CYB5R4: variants seen among roughly 807,000 people sequenced by gnomAD.
CYB5R4 encodes N-terminal cytochrome b5 and cytochrome b5 oxidoreductase domain-containing protein.
In CYB5R4, 55 loss-of-function variants were observed where a neutral mutation model predicts 70.2. The ratio of observed to expected loss-of-function variants is 0.78; its 90% CI spans 0.63 to 0.98. The LOEUF (loss-of-function observed/expected upper bound fraction) is 0.98. Ranked by LOEUF, CYB5R4 falls within the 50% of genes least tolerant of loss-of-function variation. CYB5R4 has a pLI of 0.00. For missense variants in CYB5R4, 562 were observed against 612.6 expected (o/e 0.92, Z 0.87); for synonymous variants, 197 against 199.5 (o/e 0.99, Z 0.11).
intron 12 of CYB5R4, among the ~76,000 whole-genome samples, chr6:83,939,616 A>G (rs559196052): frequency 6.6e-6 from 1 of 152,344 alleles, no homozygotes; most frequent in South Asian, 2.1e-4. Flanking sequence ...GTTAATAATC[A>G]ATGTGTAAAT....
chr6:83,947,976 T>G (rs1037577170), intron 14 of CYB5R4, among the ~76,000 whole-genome samples: 27 of 152,238 alleles, frequency 1.8e-4, no homozygotes, highest in African/African-American at 6.5e-4. Context: ...TTCTTAAGGA[T>G]TTAGAACCAG....
intron 3 of CYB5R4, among the ~76,000 whole-genome samples, chr6:83,897,843 G>A (rs141139759): frequency 0.048 from 7,297 of 152,144 alleles, 234 homozygotes; most frequent in Non-Finnish European, 0.075. Flanking sequence ...TCTGTAGGTT[G>A]CGTGTTCACT....
At chr6:83,861,741 A>G (rs2099455968) in intron 1 of CYB5R4, among the ~76,000 whole-genome samples, 1 of 152,222 alleles carries the variant, frequency 6.6e-6, no homozygotes. Context: ...ACTACCTGTG[A>G]CATTGAACTG....
At chr6:83,952,904 C>T (rs1365603252) in intron 14 of CYB5R4, among the ~76,000 whole-genome samples, 2 of 152,066 alleles carry the variant, frequency 1.3e-5, no homozygotes, top group African/African-American at 4.8e-5. Context: ...GTGGCAGTTC[C>T]ATTTAAGTTA....
chr6:83,920,787 C>T (rs993512995), intron 7 of CYB5R4, among the ~76,000 whole-genome samples: 2 of 151,936 alleles, frequency 1.3e-5, no homozygotes, highest in African/African-American at 4.8e-5. Flanking sequence ...ATTTATTGAA[C>T]ACCTACTAGG....
chr6:83,948,106 A>T (rs1009838423), intron 14 of CYB5R4, among the ~76,000 whole-genome samples: 3 of 152,190 alleles, frequency 2.0e-5, no homozygotes, highest in Non-Finnish European at 4.4e-5. Context: ...AATAGCAAAG[A>T]CTTGGAACCA....
chr6:83,949,848 A>C (rs749801333), intron 14 of CYB5R4, among the ~76,000 whole-genome samples: 52 of 152,228 alleles, frequency 3.4e-4, no homozygotes, highest in Admixed American at 7.2e-4. Flanking sequence ...TCTATAAAAC[A>C]AACATTAATA....
At chr6:83,923,412 C>A (rs961443060) in intron 9 of CYB5R4, among the ~76,000 whole-genome samples, 4 of 152,108 alleles carry the variant, frequency 2.6e-5, no homozygotes, top group Admixed American at 1.3e-4. Flanking sequence ...TTTGGTTAAG[C>A]TTCAAATCAG....
intron 3 of CYB5R4, among the ~76,000 whole-genome samples, chr6:83,897,436 T>C (rs1400529233): frequency 2.0e-5 from 3 of 152,218 alleles, no homozygotes; most frequent in African/African-American, 7.2e-5. Flanking sequence ...CTGGGTCAAA[T>C]GGTAATTCTA....
intron 14 of CYB5R4, among the ~76,000 whole-genome samples, chr6:83,943,656 TAAC>T (rs2099470110): frequency 6.6e-6 from 1 of 151,934 alleles, no homozygotes; most frequent in African/African-American, 2.4e-5. Context: ...AGGTGGGTAA[TAAC>T]AAATTCCTGA....
rs59008884 is a variant in CYB5R4 at position 83,931,805 on chromosome 6, T to TATA, written c.815-2790_815-2789insATA. Reference sequence around the variant, plus strand: ...CTTTTTTGTTTATATATATATATATTTTTTTTTTATTATACTTTAAGTTCT... The same window carrying TATA: ...CTTTTTTGTTTATATATATATATATTATATTTTTTTTATTATACTTTAAGTTCT... On this transcript the variant is annotated intron_variant, in intron 10 of 15. Coordinates refer to ENST00000369681, the MANE Select transcript of CYB5R4 (RefSeq NM_016230.4). 1.4e-3 allele frequency among the ~76,000 whole-genome samples: 107 copies of TATA among 74,940 alleles called. 1 individual carries two copies. The highest frequency in any genetic ancestry group is 4.8e-3 in the African/African-American group (78 of 16,218). 49.2% of individuals were successfully genotyped at this position (74,940 alleles called of 152,430 possible).
At chr6:83,901,914 C>T (rs922635922) in intron 3 of CYB5R4, among the ~76,000 whole-genome samples, 9 of 151,646 alleles carry the variant, frequency 5.9e-5, no homozygotes, top group Admixed American at 4.6e-4. Context: ...CTTATATATT[C>T]TGGATATCAG....
intron 2 of CYB5R4, among the ~76,000 whole-genome samples, chr6:83,878,728 G>A (rs1027116624): frequency 1.4e-5 from 2 of 145,826 alleles, no homozygotes; most frequent in East Asian, 2.1e-4. Context: ...CAGACATGTA[G>A]TACATTTTTT....
At chr6:83,860,964 T>C (rs2099455838) in intron 1 of CYB5R4, among the ~76,000 whole-genome samples, 1 of 152,250 alleles carries the variant, frequency 6.6e-6, no homozygotes, top group Admixed American at 6.5e-5. Context: ...TGCGTAGGCT[T>C]GTGTTGTGGT....
intron 14 of CYB5R4, among the ~76,000 whole-genome samples, chr6:83,951,887 T>C (rs1056708416): frequency 1.3e-5 from 2 of 152,330 alleles, no homozygotes; most frequent in African/African-American, 4.8e-5. Context: ...TGAACTAATT[T>C]GCACTCCTGC....
chr6:83,965,203 C>T lies in CYB5R4; in HGVS notation c.*5325C>T, dbSNP rs767485863. The stretch of plus-strand genomic sequence containing the variant: ...TCCTCCAGACCCCAGAATGGTAGAT[C>T]GACTTACAGCTTGTACCAGGTGCCT... On this transcript the variant is annotated 3_prime_UTR_variant, in exon 16 of 16. Coordinates refer to ENST00000369681, the MANE Select transcript of CYB5R4 (RefSeq NM_016230.4). 1.3e-5 allele frequency: 2 copies of T among 152,182 alleles called. No individual in the cohort carries two copies. The highest frequency in any genetic ancestry group is 2.1e-4 in the South Asian group (1 of 4,826). 9.4% of individuals were successfully genotyped at this position (152,182 alleles called of 1,614,324 possible). A position where few individuals can be genotyped will look rare whatever the true frequency, so the allele number is the denominator to read the frequency against.
intron 2 of CYB5R4, among the ~76,000 whole-genome samples, chr6:83,877,858 C>T (rs977038748): frequency 6.6e-6 from 1 of 152,032 alleles, no homozygotes; most frequent in Admixed American, 6.6e-5. Context: ...CTGTATTTTT[C>T]CTGCTTGGGG....
At chr6:83,939,752 G>A (rs2099469468) in intron 12 of CYB5R4, among the ~76,000 whole-genome samples, 1 of 152,162 alleles carries the variant, frequency 6.6e-6, no homozygotes, top group African/African-American at 2.4e-5. Context: ...GTACTTTGCA[G>A]TAGTTTGTAA....
At chr6:83,887,882 A>T (rs1479974098) in intron 2 of CYB5R4, among the ~76,000 whole-genome samples, 1 of 152,148 alleles carries the variant, frequency 6.6e-6, no homozygotes, top group Non-Finnish European at 1.5e-5. Flanking sequence ...AAGAGCACCC[A>T]TGTCAATGAT....
Sources: allele counts gnomAD v4.1 joint callset (sites outside exome capture counted in the v4.1 genomes callset), GRCh38; gene constraint gnomAD v4.1.1; transcripts MANE v1.5; gene names NCBI Gene and HGNC (gene_info 2026-07-23, HGNC 2026-07-21).